DNAH12: variants seen among roughly 807,000 people sequenced by gnomAD.
DNAH12 encodes dynein axonemal heavy chain 12.
In DNAH12, 285 loss-of-function variants were observed where a neutral mutation model predicts 371.5. That is an observed-to-expected ratio of 0.77 (90% confidence interval 0.70 to 0.85). DNAH12 has a LOEUF of 0.85. Ranked by LOEUF, DNAH12 falls within the 40% of genes least tolerant of loss-of-function variation. The pLI is 0.00. For synonymous variants in DNAH12, 1,200 were observed against 1,213.0 expected, an observed-to-expected ratio of 0.99 and a Z score of 0.22; for missense variants, 3,611 against 3,689.4, an observed-to-expected ratio of 0.98 and a Z score of 0.55.
At chr3:57,410,992 CT>C (rs2064183915) in intron 39 of DNAH12, among the ~76,000 whole-genome samples, 1 of 151,902 alleles carries the variant, frequency 6.6e-6, no homozygotes, top group African/African-American at 2.4e-5. Flanking sequence ...CTCATGACTT[CT>C]TTTCAACATC....
In DNAH12 at chr3:57,380,367, T is replaced by C. The variant is rs1158668352; in HGVS notation, c.7993A>G (p.Ile2665Val). The part of the protein sequence containing the change: ...ISDPSGTGGK[I>V]LDYWGPSKKL... The stretch of plus-strand genomic sequence containing the variant: ...TTGCTAGGTCCCCAGTAATCTAATA[T>C]CTACAAATAAAATTTATGGAAATTT... The change falls in exon 51 of 74, where the codon ATA becomes GTA. Residue 2665 changes from isoleucine (I) to valine (V), a missense_variant and splice_region_variant. Around this residue, in one of 3 missense-constraint regions of DNAH12, gnomAD observed 2,266 missense variants for 2,236.9 expected, o/e 1.01. Transcript: ENST00000495027. 4.6e-5 allele frequency: 7 copies of C among 152,198 alleles called. No homozygotes were observed. Among genetic ancestry groups the C allele is most frequent in the Non-Finnish European group, 1.0e-4 (7 of 68,030 alleles). The allele number at this position is 152,198 out of a possible 1,614,324, so 9.4% of individuals were successfully genotyped here.
chr3:57,420,357 C>A (rs1428562672), intron 36 of DNAH12, among the ~76,000 whole-genome samples: 1 of 152,136 alleles, frequency 6.6e-6, no homozygotes, highest in Non-Finnish European at 1.5e-5. Flanking sequence ...TATTTTCCAG[C>A]AAATTGTACA....
At chr3:57,542,163 G>C (rs879472281) in intron 2 of DNAH12, among the ~76,000 whole-genome samples, 1 of 129,044 alleles carries the variant, frequency 7.7e-6, no homozygotes, top group Non-Finnish European at 1.6e-5. Context: ...ACTGGGGGGG[G>C]GGGGGGCGGT....
At chr3:57,449,519 A>T (rs1000685473) in intron 25 of DNAH12, among the ~76,000 whole-genome samples, 46 of 152,324 alleles carry the variant, frequency 3.0e-4, no homozygotes, top group Admixed American at 1.6e-3. Flanking sequence ...CCCGGTGAGA[A>T]ATCGAGCGCA....
At chr3:57,383,838 T>C (rs2153344326) in intron 49 of DNAH12, among the ~76,000 whole-genome samples, 1 of 152,172 alleles carries the variant, frequency 6.6e-6, no homozygotes, top group East Asian at 1.9e-4. Context: ...CTCAGAGTTT[T>C]AAATTCCTGA....
chr3:57,322,198 T>C (rs535247221), intron 65 of DNAH12, 145 bp downstream of exon 65: 6 of 841,374 alleles, frequency 7.1e-6, no homozygotes, highest in African/African-American at 3.4e-5. Flanking sequence ...ACAAGATAAG[T>C]ACAATTTTTG....
intron 28 of DNAH12, 144 bp downstream of exon 28, chr3:57,445,030 T>C: frequency 8.6e-7 from 1 of 1,164,972 alleles, no homozygotes. Context: ...TATAACAACA[T>C]AACCCAAAAA....
At chr3:57,365,353 C>A (rs1453971002) in intron 57 of DNAH12, among the ~76,000 whole-genome samples, 1 of 152,162 alleles carries the variant, frequency 6.6e-6, no homozygotes, top group African/African-American at 2.4e-5. Context: ...CAAACTAACA[C>A]AAAAACAGAA....
At chr3:57,302,566 TA>T (rs2061380794) in intron 69 of DNAH12, among the ~76,000 whole-genome samples, 11 of 80,644 alleles carry the variant, frequency 1.4e-4, no homozygotes, top group African/African-American at 4.3e-4. Flanking sequence ...TATATATATG[TA>T]TTTTTTTTTT....
chr3:57,433,974 T>C, intron 30 of DNAH12, 146 bp from the exon 31 acceptor site: 1 of 676,448 alleles, frequency 1.5e-6, no homozygotes, highest in East Asian at 3.1e-5. Flanking sequence ...AGAAAACATA[T>C]TTAATTTCTG....
rs1441139692 is a variant in DNAH12 at position 57,507,660 on chromosome 3, T to C, written c.880A>G (p.Thr294Ala). The change falls in exon 8 of 74, where the codon ACA becomes GCA. Residue 294 changes from threonine to alanine, a missense_variant. Thr to Ala is a moderately conservative substitution (Grantham distance 58). Coordinates refer to ENST00000495027, the MANE Select transcript of DNAH12 (RefSeq NM_001366028.2). ...GTATGTACCTGATTTGACATAAGTGTGGAAACACAGCTATAAAATGCATCC... is the reference window on the plus strand; with the variant it reads ...GTATGTACCTGATTTGACATAAGTGCGGAAACACAGCTATAAAATGCATCC... ...KLDAFYSCVS[T>A]LMSNQLKDLL... The C allele has an allele frequency of 6.2e-7, 1 of 1,604,200 alleles. No individual in the cohort carries two copies. Among genetic ancestry groups the C allele is most frequent in the African/African-American group, 1.3e-5 (1 of 74,492 alleles).
At chr3:57,449,889 G>A (rs960905021) in intron 25 of DNAH12, among the ~76,000 whole-genome samples, 1 of 152,194 alleles carries the variant, frequency 6.6e-6, no homozygotes, top group Admixed American at 6.5e-5. Flanking sequence ...TCTGAGGACT[G>A]CCATCACGCT....
chr3:57,488,471 C>A (rs1336580390), intron 12 of DNAH12, among the ~76,000 whole-genome samples: 1 of 152,108 alleles, frequency 6.6e-6, no homozygotes, highest in Non-Finnish European at 1.5e-5. Context: ...GGATTACAGG[C>A]ATGAGCCACC....
chr3:57,356,711 C>A (rs1343404017), intron 59 of DNAH12, among the ~76,000 whole-genome samples: 1 of 151,812 alleles, frequency 6.6e-6, no homozygotes, highest in Non-Finnish European at 1.5e-5. Flanking sequence ...TCTTTCATGT[C>A]TTTTTTTCTT....
In DNAH12 at chr3:57,302,540, T is replaced by TC. The variant is rs1241323340; in HGVS notation, c.11190-602_11190-601insG. Among the ~76,000 whole-genome samples, 22 of 90,020 alleles carry TC rather than the reference T, an allele frequency of 2.4e-4. 2 individuals carry two copies. The highest frequency in any genetic ancestry group is 9.1e-4 in the African/African-American group (22 of 24,220). The allele number at this position is 90,020 out of a possible 152,430, so 59.1% of individuals were successfully genotyped here. A position where few individuals can be genotyped will look rare whatever the true frequency, so the allele number is the denominator to read the frequency against. Reference sequence around the variant, plus strand: ...CTAAGGCATCAGGTGTATATATATATATATATATATATATATATATATATG... The same window carrying TC: ...CTAAGGCATCAGGTGTATATATATATCATATATATATATATATATATATATG... On this transcript the variant is annotated intron_variant, in intron 69 of 73. Coordinates refer to ENST00000495027, the MANE Select transcript of DNAH12 (RefSeq NM_001366028.2).
At chr3:57,514,393 C>CAA (rs768971639) in intron 4 of DNAH12, among the ~76,000 whole-genome samples, 1 of 77,198 alleles carries the variant, frequency 1.3e-5, no homozygotes, top group South Asian at 4.1e-4. Flanking sequence ...GACTCTGTCT[C>CAA]AAAAAAAAAA....
At chr3:57,519,467 ATCT>A (rs776058319) in intron 4 of DNAH12, among the ~76,000 whole-genome samples, 8 of 152,234 alleles carry the variant, frequency 5.3e-5, no homozygotes, top group Non-Finnish European at 8.8e-5. Flanking sequence ...TTAATAAATT[ATCT>A]TCTTAATTGT....
intron 2 of DNAH12, among the ~76,000 whole-genome samples, chr3:57,530,009 C>T (rs1049724687): frequency 6.6e-6 from 1 of 152,084 alleles, no homozygotes; most frequent in Non-Finnish European, 1.5e-5. Flanking sequence ...CACTCAAAAG[C>T]ATATTTTTTA....
At chr3:57,423,597 G>C (rs950202334) in intron 35 of DNAH12, among the ~76,000 whole-genome samples, 1 of 152,130 alleles carries the variant, frequency 6.6e-6, no homozygotes, top group African/African-American at 2.4e-5. Flanking sequence ...TGAGGGGAGA[G>C]GGAGGAGATC....
Sources: gnomAD v4.1 joint callset for allele counts (sites outside exome capture counted in the v4.1 genomes callset) on GRCh38, gnomAD v4.1.1 for gene constraint, gnomAD v4.1.1 regional missense constraint, MANE v1.5 for transcripts, NCBI Gene and HGNC (gene_info 2026-07-23, HGNC 2026-07-21) for gene names.